The following ITPR1 variants were observed in gnomAD, a reference collection of about 807,000 sequenced individuals.
The protein encoded by ITPR1 is inositol 1,4,5-trisphosphate-gated calcium channel ITPR1.
In ITPR1, 96 loss-of-function variants were observed where a neutral mutation model predicts 318.4. That is an observed-to-expected ratio of 0.30 (90% CI 0.26 to 0.36). The LOEUF is 0.36. Among genes scored for constraint, ITPR1 ranks in the 10% least tolerant of loss-of-function variants. The pLI is 1.00. For synonymous variants in ITPR1, 1,312 were observed against 1,289.9 expected (o/e 1.02, Z -0.37); for missense variants, 2,440 against 3,460.2 (o/e 0.71, Z 7.40).
chr3:4,825,658 T>C (rs566033609), intron 60 of ITPR1: 1 of 451,242 alleles, frequency 2.2e-6, no homozygotes, highest in African/African-American at 2.0e-5. Context: ...GAAAGCAACG[T>C]GTTAACAAGG....
rs1042683916 is a variant in ITPR1 at position 4,612,619 on chromosome 3, G to A, written c.164-15144G>A. On this transcript the variant is annotated intron_variant, in intron 4 of 61. Coordinates refer to ENST00000649015, the MANE Select transcript of ITPR1 (RefSeq NM_001378452.1). ...TGCTGCTTATTGTCTGGGCATGGTG[G>A]CTCATGCCTGTAATCCCAGCACTTT... 2.0e-5 allele frequency among the ~76,000 whole-genome samples: 3 copies of A among 151,990 alleles called. No homozygotes were observed. The South Asian group carries it at 6.2e-4, about 32-fold the overall frequency.
At chr3:4,759,551 A>G (rs2045280338) in intron 44 of ITPR1, among the ~76,000 whole-genome samples, 1 of 152,130 alleles carries the variant, frequency 6.6e-6, no homozygotes, top group African/African-American at 2.4e-5. Flanking sequence ...CTCATCTGTG[A>G]AATGTGGAAG....
At chr3:4,652,547 C>A (rs1413838819) in intron 11 of ITPR1, among the ~76,000 whole-genome samples, 1 of 152,126 alleles carries the variant, frequency 6.6e-6, no homozygotes, top group African/African-American at 2.4e-5. Flanking sequence ...CCACACCTAG[C>A]ATGAGCGACT....
At position 4,814,426 on chromosome 3, in the gene ITPR1, T is replaced by G; in HGVS notation, c.7565T>G (p.Leu2522Arg). The G allele has an allele frequency of 6.2e-7, 1 of 1,613,992 alleles. No homozygotes were observed. Among genetic ancestry groups the G allele is most frequent in the South Asian group, 1.1e-5 (1 of 91,084 alleles). Residue 2522 changes from leucine (L) to arginine (R), a missense_variant, in exon 58 of 62, where the codon CTG becomes CGG. Coordinates refer to ENST00000649015, the MANE Select transcript of ITPR1 (RefSeq NM_001378452.1). The part of the protein sequence containing the change: ...NCSSPAPREE[L>R]VPAEETEQDK... ...TTGTTACTTGCCGTGTTCACAGAGC[T>G]GGTCCCTGCAGAAGAGACGGAACAG...
intron 4 of ITPR1, among the ~76,000 whole-genome samples, chr3:4,615,091 A>G (rs1268837424): frequency 6.6e-6 from 1 of 152,212 alleles, no homozygotes; most frequent in Non-Finnish European, 1.5e-5. Context: ...AGCCAGGTCC[A>G]TGTGTGGGAA....
At position 4,685,135 on chromosome 3, in the gene ITPR1, C is replaced by T. The variant is rs780278037; in HGVS notation, c.3631C>T (p.Gln1211Ter). ...CTCAGTGAGAAAGAGCAGGAAGCAG[C>T]AACAGCGTCTGCTCCGGAACATGGG... ...SASVRKSRKQQQRLLRNMGAH... is the reference protein window; with the variant it reads ...SASVRKSRKQ The change falls in exon 30 of 62, where the codon CAA becomes TAA. Residue 1211 changes from glutamine (Q) to a stop codon, truncating the protein, a stop_gained. Coordinates refer to ENST00000649015, the MANE Select transcript of ITPR1 (RefSeq NM_001378452.1). LOFTEE classifies it high-confidence loss of function. 1 of 1,610,514 alleles carries T rather than the reference C, an allele frequency of 6.2e-7. No homozygotes were observed.
chr3:4,751,595 A>G (rs557549996), intron 44 of ITPR1: 5 of 152,346 alleles, frequency 3.3e-5, no homozygotes, highest in East Asian at 3.9e-4. Flanking sequence ...AAGTTGTGCA[A>G]TCCTTAATAG....
At chr3:4,819,809 G>T (rs1476469286) in intron 60 of ITPR1, among the ~76,000 whole-genome samples, 2 of 152,040 alleles carry the variant, frequency 1.3e-5, no homozygotes, top group East Asian at 3.9e-4. Context: ...AGAAAGAAAG[G>T]AGAAAAAAAA....
At chr3:4,543,168 G>T (rs563101400) in intron 4 of ITPR1, among the ~76,000 whole-genome samples, 2 of 152,006 alleles carry the variant, frequency 1.3e-5, no homozygotes, top group African/African-American at 4.8e-5. Flanking sequence ...TACTCGACAG[G>T]CTTAGGTGGG....
At chr3:4,498,730 G>T (rs369528421) in intron 2 of ITPR1, among the ~76,000 whole-genome samples, 149 of 152,338 alleles carry the variant, frequency 9.8e-4, no homozygotes, top group African/African-American at 3.4e-3. Context: ...AGGAAAGTTT[G>T]ACAAATAGGT....
In ITPR1 at chr3:4,787,886, A is replaced by G. The variant is rs893354192; in HGVS notation, c.6616-61A>G. The G allele has an allele frequency of 5.5e-5, 68 of 1,228,370 alleles. No homozygotes were observed. In the Admixed American group the frequency reaches 1.5e-3, roughly 27 times the overall value. 76.1% of individuals were successfully genotyped at this position (1,228,370 alleles called of 1,614,324 possible). A position where few individuals can be genotyped will look rare whatever the true frequency, so the allele number is the denominator to read the frequency against. ...ACCACCGAGTCTACCACCAGTAGCA[A>G]ATAGTCTTAGTAAAAGGTTTCAAAG... On this transcript the variant is annotated intron_variant, in intron 51 of 61. Coordinates refer to ENST00000649015, the MANE Select transcript of ITPR1 (RefSeq NM_001378452.1).
At position 4,706,281 on chromosome 3, in the gene ITPR1, G is replaced by A. The variant is rs569597087; in HGVS notation, c.4772G>A (p.Arg1591His). 14 of 1,613,850 alleles carry A rather than the reference G, an allele frequency of 8.7e-6. No homozygotes were observed. The highest frequency in any genetic ancestry group is 3.3e-5 in the Admixed American group (2 of 60,006). The change falls in exon 37 of 62, where the codon CGC becomes CAC. Residue 1591 changes from arginine (R) to histidine (H), a missense_variant. Coordinates refer to ENST00000649015, the MANE Select transcript of ITPR1 (RefSeq NM_001378452.1). ...GCCATGAACTGGCGGCTCTCAGCCC[G>A]CAATGCCGCACGCAGGGACTCTGTT... ...KTAMNWRLSA[R>H]NAARRDSVLA... is the part of the protein sequence containing the mutation.
intron 32 of ITPR1, 136 bp from the exon 33 acceptor site, chr3:4,693,354 T>C (rs2094508746): frequency 3.2e-6 from 3 of 932,722 alleles, no homozygotes; most frequent in Middle Eastern, 2.3e-4. Context: ...TATAAATGAA[T>C]GAAGTCAAAA....
chr3:4,714,676 C>T (rs1042032372), intron 39 of ITPR1, among the ~76,000 whole-genome samples: 1 of 152,190 alleles, frequency 6.6e-6, no homozygotes, highest in Non-Finnish European at 1.5e-5. Flanking sequence ...TTTTTCTAAG[C>T]GATAATCCTT....
Position 4,706,328 on chromosome 3 carries a change from C to A in ITPR1, c.4819C>A (p.Arg1607=), listed in dbSNP as rs749473983. Residue 1607 remains arginine (R), a synonymous_variant, in exon 37 of 62, where the codon CGG becomes AGG. Transcript: ENST00000649015. ...TGTTCTGGCAGCTTCCAGAGACTAC[C>A]GGAATATCATTGAGAGATTGCAGGT... The part of the protein sequence containing the change: ...DSVLAASRDY[R]NIIERLQDIV... The A allele has an allele frequency of 6.2e-7, 1 of 1,612,838 alleles. No individual in the cohort carries two copies. The highest frequency in any genetic ancestry group is 8.5e-7 in the Non-Finnish European group (1 of 1,179,082).
At chr3:4,630,330 A>G (rs2092974124) in intron 5 of ITPR1, among the ~76,000 whole-genome samples, 2 of 152,032 alleles carry the variant, frequency 1.3e-5, no homozygotes, top group African/African-American at 4.8e-5. Flanking sequence ...ATCACAAAAG[A>G]CATAATCTCA....
chr3:4,521,142 T>C (rs767916585), intron 4 of ITPR1, 48 bp downstream of exon 4: 2 of 1,310,040 alleles, frequency 1.5e-6, no homozygotes, highest in Non-Finnish European at 1.1e-6. Flanking sequence ...CACTTGAAAA[T>C]TCTTGAAGTG....
At chr3:4,743,869 A>G (rs953875650) in intron 44 of ITPR1, among the ~76,000 whole-genome samples, 1 of 152,100 alleles carries the variant, frequency 6.6e-6, no homozygotes, top group African/African-American at 2.4e-5. Context: ...GAGTCTCACT[A>G]TGTCACCCAA....
chr3:4,573,692 C>T (rs1044121279), intron 4 of ITPR1, among the ~76,000 whole-genome samples: 13 of 152,188 alleles, frequency 8.5e-5, no homozygotes, highest in African/African-American at 2.9e-4. Flanking sequence ...CCTTTGTCCT[C>T]GATGTTTCCT....
Sources: allele counts gnomAD v4.1 joint callset (sites outside exome capture counted in the v4.1 genomes callset), GRCh38; gene constraint gnomAD v4.1.1; transcripts MANE v1.5; gene names NCBI Gene and HGNC (gene_info 2026-07-23, HGNC 2026-07-21).